The following RNASE2 variants were observed in gnomAD, a reference collection of about 807,000 sequenced individuals.
The protein encoded by RNASE2 is ribonuclease A family member 2.
For missense variants in RNASE2, 170 were observed against 197.9 expected (o/e 0.86, Z 0.85); for synonymous variants, 67 against 68.9 (o/e 0.97, Z 0.13).
chr14:20,955,678 C>A (rs1340080514), intron 1 of RNASE2, 89 bp from the exon 2 acceptor site: 17 of 1,495,662 alleles, frequency 1.1e-5, no homozygotes, highest in Non-Finnish European at 1.4e-5. Context: ...CCAGAGTGGC[C>A]GCAGAGGGGC....
rs148729197 is a variant in RNASE2, at chr14:20,956,211, C to A, written c.440C>A (p.Pro147His). 6.2e-7 allele frequency: 1 copy of A among 1,614,108 alleles called. No individual in the cohort carries two copies. The highest frequency in any genetic ancestry group is 1.3e-5 in the African/African-American group (1 of 74,930). The change falls in exon 2 of 2, where the codon CCT becomes CAT. Residue 147 changes from proline to histidine, a missense_variant. Physicochemically the swap from Pro to His is moderately conservative, Grantham distance 77. Transcript: ENST00000304625. ...GACAACAGAGATCAACGACGAGACC[C>A]TCCACAGTATCCGGTGGTTCCAGTT... ...ACDNRDQRRD[P>H]PQYPVVPVHL...
rs1297226667 is a variant in RNASE2 at position 20,955,870 on chromosome 14, C to T, written c.99C>T (p.Thr33=). The T allele has an allele frequency of 1.9e-6, 3 of 1,614,078 alleles. No homozygotes were observed. In the African/African-American group the frequency reaches 4.0e-5, roughly 22 times the overall value. The change falls in exon 2 of 2, where the codon ACC becomes ACT. Residue 33 remains threonine, a synonymous_variant. Coordinates refer to ENST00000304625, the MANE Select transcript of RNASE2 (RefSeq NM_002934.3). The part of the protein sequence containing the change: ...GSLHVKPPQF[T]WAQWFETQHI... ...TCCATGTCAAACCTCCACAGTTTACCTGGGCTCAATGGTTTGAAACCCAGC... is the reference window on the plus strand; with the variant it reads ...TCCATGTCAAACCTCCACAGTTTACTTGGGCTCAATGGTTTGAAACCCAGC...
In RNASE2 at chr14:20,956,321, C is replaced by T; in HGVS notation, c.*64C>T. The T allele has an allele frequency of 6.3e-7, 1 of 1,585,184 alleles. No individual in the cohort carries two copies. Reference sequence around the variant, plus strand: ...AAGCTCCTCAATCATAGCCAAGATCCCATCTCTCCATATACTTTGGGTATC... The same window carrying T: ...AAGCTCCTCAATCATAGCCAAGATCTCATCTCTCCATATACTTTGGGTATC... On this transcript the variant is annotated 3_prime_UTR_variant, in exon 2 of 2. Transcript: ENST00000304625.
Position 20,956,204 on chromosome 14 carries a change from C to A in RNASE2, c.433C>A (p.Arg145=), listed in dbSNP as rs149973422. ...IVACDNRDQR[R]DPPQYPVVPV... is the part of the protein sequence containing the mutation. ...TGCATGTGACAACAGAGATCAACGA[C>A]GAGACCCTCCACAGTATCCGGTGGT... Residue 145 remains arginine (R), a synonymous_variant, in exon 2 of 2, where the codon CGA becomes AGA. Transcript: ENST00000304625. The A allele has an allele frequency of 2.5e-6, 4 of 1,614,068 alleles. No homozygotes were observed. The African/African-American group carries it at 4.0e-5, about 16-fold the overall frequency.
intron 1 of RNASE2, 101 bp from the exon 2 acceptor site, chr14:20,955,666 C>T (rs1448805412): frequency 1.4e-6 from 2 of 1,446,460 alleles, no homozygotes; most frequent in East Asian, 4.6e-5. Flanking sequence ...GGAAATGGGA[C>T]CCCAGAGTGG....
In RNASE2 at chr14:20,955,778, C is replaced by T. The variant is rs1395401046; in HGVS notation, c.7C>T (p.Pro3Ser). 2 of 1,608,856 alleles carry T rather than the reference C, an allele frequency of 1.2e-6. No individual in the cohort carries two copies. The highest frequency in any genetic ancestry group is 2.2e-5 in the South Asian group (2 of 90,222). ...TTCTTTTCTTACAGGAAACATGGTT[C>T]CAAAACTGTTCACTTCCCAAATTTG... MV[P>S]KLFTSQICLL... is the part of the protein sequence containing the mutation. The change falls in exon 2 of 2, where the codon CCA becomes TCA. Residue 3 changes from proline to serine, a missense_variant. Transcript: ENST00000304625.
In RNASE2 at chr14:20,956,371, T is replaced by A. The variant is rs1290121458; in HGVS notation, c.*114T>A. 1 of 1,451,606 alleles carries A rather than the reference T, an allele frequency of 6.9e-7. No individual in the cohort carries two copies. The highest frequency in any genetic ancestry group is 2.2e-5 in the Admixed American group (1 of 45,978). The allele number at this position is 1,451,606 out of a possible 1,614,324, so 89.9% of individuals were successfully genotyped here. A position where few individuals can be genotyped will look rare whatever the true frequency, so the allele number is the denominator to read the frequency against. Reference sequence around the variant, plus strand: ...CAGCATCTGTCCTCATCAGTCTCCATACCCCTTCAGCTTTCCTGAGCTGAA... The same window carrying A: ...CAGCATCTGTCCTCATCAGTCTCCAAACCCCTTCAGCTTTCCTGAGCTGAA... On this transcript the variant is annotated 3_prime_UTR_variant, in exon 2 of 2. Transcript: ENST00000304625.
rs1463886777 is a variant in RNASE2, at chr14:20,955,524, G to A, written c.-18G>A. 3.6e-6 allele frequency: 2 copies of A among 548,108 alleles called. No individual in the cohort carries two copies. The highest frequency in any genetic ancestry group is 6.4e-6 in the Non-Finnish European group (2 of 313,088). 34.0% of individuals were successfully genotyped at this position (548,108 alleles called of 1,614,324 possible). On this transcript the variant is annotated 5_prime_UTR_variant, in exon 1 of 2. Transcript: ENST00000304625. ...TGGATCAGTTCTCACAGGAGCTACAGCGCGGAGACTGGGTAAGTCAACGAT... is the reference window on the plus strand; with the variant it reads ...TGGATCAGTTCTCACAGGAGCTACAACGCGGAGACTGGGTAAGTCAACGAT...
rs528958419 is a variant in RNASE2 at position 20,955,527 on chromosome 14, C to T, written c.-15C>T. ...ATCAGTTCTCACAGGAGCTACAGCG[C>T]GGAGACTGGGTAAGTCAACGATCCC... On this transcript the variant is annotated 5_prime_UTR_variant, in exon 1 of 2. Transcript: ENST00000304625. 58 of 552,062 alleles carry T rather than the reference C, an allele frequency of 1.1e-4. No homozygotes were observed. The highest frequency in any genetic ancestry group is 1.8e-4 in the Admixed American group (5 of 28,288). 34.2% of individuals were successfully genotyped at this position (552,062 alleles called of 1,614,324 possible).
At position 20,956,107 on chromosome 14, in the gene RNASE2, C is replaced by G; in HGVS notation, c.336C>G (p.Leu112=). 2 of 1,614,214 alleles carry G rather than the reference C, an allele frequency of 1.2e-6. No individual in the cohort carries two copies. The highest frequency in any genetic ancestry group is 1.7e-6 in the Non-Finnish European group (2 of 1,180,042). Reference sequence around the variant, plus strand: ...AGGTGCCTTTAATCCACTGTAACCTCACAACTCCAAGTCCACAGAATATTT... The same window carrying G: ...AGGTGCCTTTAATCCACTGTAACCTGACAACTCCAAGTCCACAGAATATTT... ...GSQVPLIHCN[L]TTPSPQNISN... Residue 112 remains leucine, a synonymous_variant, in exon 2 of 2, where the codon CTC becomes CTG. Coordinates refer to ENST00000304625, the MANE Select transcript of RNASE2 (RefSeq NM_002934.3).
chr14:20,955,970 C>CA lies in RNASE2; in HGVS notation c.203dup (p.Asn68LysfsTer10). The CA allele has an allele frequency of 6.2e-7, 1 of 1,614,172 alleles. No homozygotes were observed. The highest frequency in any genetic ancestry group is 8.5e-7 in the Non-Finnish European group (1 of 1,180,022). On this transcript the variant is annotated frameshift_variant, in exon 2 of 2. Transcript: ENST00000304625. LOFTEE classifies it low-confidence loss of function (END_TRUNC). ...CAATTATCAACGGCGATGCAAAAAC[C>CA]AAAATACTTTCCTTCTTACAACTTT...
Position 20,955,993 on chromosome 14 carries a change from T to C in RNASE2, c.222T>C (p.Thr74=). The C allele has an allele frequency of 6.2e-7, 1 of 1,614,202 alleles. No homozygotes were observed. Residue 74 remains threonine (T), a synonymous_variant, in exon 2 of 2, where the codon ACT becomes ACC. Transcript: ENST00000304625. ...ACCAAAATACTTTCCTTCTTACAAC[T>C]TTTGCTAACGTAGTTAATGTTTGTG... ...CKNQNTFLLT[T]FANVVNVCGN... is the part of the protein sequence containing the mutation.
In RNASE2 at chr14:20,955,554, A is replaced by G. The variant is rs1471765499; in HGVS notation, c.-6+18A>G. ...GAGACTGGGTAAGTCAACGATCCCC[A>G]GAGCTGGGACAGAAGGGGCAGCAAT... On this transcript the variant is annotated intron_variant, in intron 1 of 1. Coordinates refer to ENST00000304625, the MANE Select transcript of RNASE2 (RefSeq NM_002934.3). 1.8e-5 allele frequency: 11 copies of G among 606,746 alleles called. No homozygotes were observed. The highest frequency in any genetic ancestry group is 2.8e-5 in the Non-Finnish European group (10 of 354,920). 37.6% of individuals were successfully genotyped at this position (606,746 alleles called of 1,614,324 possible).
rs61729745 is a variant in RNASE2 at position 20,956,062 on chromosome 14, T to C, written c.291T>C (p.Asn97=). 2.5e-3 allele frequency: 4,114 copies of C among 1,614,152 alleles called. 93 individuals are homozygous for C. The African/African-American group carries it at 0.049, about 19-fold the overall frequency. ...GTCCTAGTAACAAAACTCGCAAAAATTGTCACCACAGTGGAAGCCAGGTGC... is the reference window on the plus strand; with the variant it reads ...GTCCTAGTAACAAAACTCGCAAAAACTGTCACCACAGTGGAAGCCAGGTGC... ...MTCPSNKTRK[N]CHHSGSQVPL... Residue 97 remains asparagine (N), a synonymous_variant, in exon 2 of 2, where the codon AAT becomes AAC. Transcript: ENST00000304625.
rs1217302497 is a variant in RNASE2, at chr14:20,956,228, G to T, written c.457G>T (p.Val153Phe). 3 of 1,614,180 alleles carry T rather than the reference G, an allele frequency of 1.9e-6. No individual in the cohort carries two copies. In the Admixed American group the frequency reaches 5.0e-5, roughly 27 times the overall value. The part of the protein sequence containing the change: ...QRRDPPQYPV[V>F]PVHLDRII ...ACGAGACCCTCCACAGTATCCGGTG[G>T]TTCCAGTTCACCTGGATAGAATCAT... Residue 153 changes from valine (V) to phenylalanine (F), a missense_variant, in exon 2 of 2, where the codon GTT (valine) becomes TTT (phenylalanine). Transcript: ENST00000304625.
chr14:20,956,087 C>A lies in RNASE2; in HGVS notation c.316C>A (p.Pro106Thr), dbSNP rs779540525. The change falls in exon 2 of 2, where the codon CCT (proline) becomes ACT (threonine). Residue 106 changes from proline (P) to threonine (T), a missense_variant. Pro to Thr is a conservative substitution (Grantham distance 38). Transcript: ENST00000304625. ...KNCHHSGSQV[P>T]LIHCNLTTPS... The stretch of plus-strand genomic sequence containing the variant: ...TTGTCACCACAGTGGAAGCCAGGTG[C>A]CTTTAATCCACTGTAACCTCACAAC... The A allele has an allele frequency of 6.8e-6, 11 of 1,614,068 alleles. No homozygotes were observed. The highest frequency in any genetic ancestry group is 1.6e-4 in the Middle Eastern group (1 of 6,084).
Position 20,956,092 on chromosome 14 carries a change from A to C in RNASE2, c.321A>C (p.Leu107Phe). The C allele has an allele frequency of 6.2e-7, 1 of 1,614,240 alleles. No homozygotes were observed. The highest frequency in any genetic ancestry group is 8.5e-7 in the Non-Finnish European group (1 of 1,180,046). ...ACCACAGTGGAAGCCAGGTGCCTTTAATCCACTGTAACCTCACAACTCCAA... is the reference window on the plus strand; with the variant it reads ...ACCACAGTGGAAGCCAGGTGCCTTTCATCCACTGTAACCTCACAACTCCAA... Reference protein sequence around the residue: ...NCHHSGSQVPLIHCNLTTPSP... With the variant: ...NCHHSGSQVPFIHCNLTTPSP... The change falls in exon 2 of 2, where the codon TTA (leucine) becomes TTC (phenylalanine). Residue 107 changes from leucine (L) to phenylalanine (F), a missense_variant. Leu to Phe is a conservative substitution (Grantham distance 22). Transcript: ENST00000304625.
Position 20,956,047 on chromosome 14 carries a change from C to A in RNASE2, c.276C>A (p.Asn92Lys). 1.9e-6 allele frequency: 3 copies of A among 1,614,228 alleles called. No individual in the cohort carries two copies. Among genetic ancestry groups the A allele is most frequent in the Non-Finnish European group, 2.5e-6 (3 of 1,180,036 alleles). ...CGNPNMTCPS[N>K]KTRKNCHHSG... ...ACCCAAATATGACCTGTCCTAGTAA[C>A]AAAACTCGCAAAAATTGTCACCACA... Residue 92 changes from asparagine (N) to lysine (K), a missense_variant, in exon 2 of 2, where the codon AAC becomes AAA. Physicochemically the swap from Asn to Lys is moderately conservative, Grantham distance 94 (BLOSUM62 0). Transcript: ENST00000304625.
rs1401497155 is a variant in RNASE2 at position 20,956,038 on chromosome 14, T to C, written c.267T>C (p.Cys89=). Residue 89 remains cysteine, a synonymous_variant, in exon 2 of 2, where the codon TGT becomes TGC. Transcript: ENST00000304625. ...VNVCGNPNMT[C]PSNKTRKNCH... is the part of the protein sequence containing the mutation. Reference sequence around the variant, plus strand: ...TTTGTGGTAACCCAAATATGACCTGTCCTAGTAACAAAACTCGCAAAAATT... The same window carrying C: ...TTTGTGGTAACCCAAATATGACCTGCCCTAGTAACAAAACTCGCAAAAATT... 3.1e-6 allele frequency: 5 copies of C among 1,614,210 alleles called. No homozygotes were observed. The highest frequency in any genetic ancestry group is 4.2e-6 in the Non-Finnish European group (5 of 1,180,024).
Sources: allele counts gnomAD v4.1 joint callset, GRCh38; gene constraint gnomAD v4.1.1; transcripts MANE v1.5; gene names NCBI Gene and HGNC (gene_info 2026-07-23, HGNC 2026-07-21).